The following UBE2E1 variants were observed in gnomAD, a reference collection of about 807,000 sequenced individuals.
UBE2E1 encodes the protein ubiquitin conjugating enzyme E2 E1.
In UBE2E1, 6 loss-of-function variants were observed where a neutral mutation model predicts 21.4. The observed-to-expected ratio is 0.28, with a 90% CI of 0.15 to 0.55. The LOEUF is 0.55. Among genes scored for constraint, UBE2E1 ranks in the 20% least tolerant of loss-of-function variants. The pLI is 0.93. For missense variants in UBE2E1, 142 were observed against 236.5 expected (o/e 0.60, Z 2.62); for synonymous variants, 87 against 82.7 (o/e 1.05, Z -0.28).
chr3:23,848,475 AAAAAAAAC>A (rs1359231562), intron 3 of UBE2E1, among the ~76,000 whole-genome samples: 10 of 151,080 alleles, frequency 6.6e-5, no homozygotes, highest in Non-Finnish European at 8.9e-5. Context: ...GTCTCAAAAA[AAAAAAAAC>A]AAAAAACAAA....
chr3:23,822,994 G>A (rs1357854515), intron 3 of UBE2E1, among the ~76,000 whole-genome samples: 2 of 152,066 alleles, frequency 1.3e-5, no homozygotes, highest in Non-Finnish European at 1.5e-5. Flanking sequence ...TTACAGGCAT[G>A]TGCCACCACG....
intron 3 of UBE2E1, among the ~76,000 whole-genome samples, chr3:23,877,096 A>G (rs1467410617): frequency 1.3e-5 from 2 of 152,194 alleles, no homozygotes; most frequent in African/African-American, 2.4e-5. Flanking sequence ...TAATGTGCAT[A>G]AGAATCATTT....
chr3:23,850,681 GTTTT>G (rs550418701), intron 3 of UBE2E1, among the ~76,000 whole-genome samples: 1 of 104,318 alleles, frequency 9.6e-6, no homozygotes. Flanking sequence ...ACACCTGATT[GTTTT>G]TTTTTTTTTT....
intron 3 of UBE2E1, among the ~76,000 whole-genome samples, chr3:23,852,036 A>C (rs770827321): frequency 1.3e-5 from 2 of 152,056 alleles, no homozygotes; most frequent in Admixed American, 1.3e-4. Context: ...CCACTCTCTC[A>C]TGCTCCCTTT....
In UBE2E1 at chr3:23,810,916, C is replaced by A. The variant is rs1348194428; in HGVS notation, c.153-544C>A. On this transcript the variant is annotated intron_variant, in intron 2 of 5. Transcript: ENST00000306627. The surrounding 1 kb of genome is among the most constrained non-coding windows in gnomAD (Gnocchi z 5.8). ...TGGCAGGTCACTCGGGCCCGAGGGG[C>A]CTCGTGGGGAGCGGCCATGTTGGCT... 6.3e-6 allele frequency: 1 copy of A among 157,904 alleles called. No individual in the cohort carries two copies. The highest frequency in any genetic ancestry group is 2.4e-5 in the African/African-American group (1 of 41,650). 9.8% of individuals were successfully genotyped at this position (157,904 alleles called of 1,614,324 possible).
Position 23,810,428 on chromosome 3 carries a change from A to C in UBE2E1, c.153-1032A>C. On this transcript the variant is annotated intron_variant, in intron 2 of 5. Coordinates refer to ENST00000306627, the MANE Select transcript of UBE2E1 (RefSeq NM_003341.5). This position sits in a 1 kb window ranked among gnomAD's most constrained non-coding sequence, Gnocchi z 5.8. The stretch of plus-strand genomic sequence containing the variant: ...AGTCGAGGGTTGGTGCGGAGGGAGA[A>C]AACTGCAGGTCTCCAGTCTATCCCC... The C allele has an allele frequency of 6.5e-7, 1 of 1,535,086 alleles. No individual in the cohort carries two copies.
At chr3:23,845,898 A>G (rs987902462) in intron 3 of UBE2E1, among the ~76,000 whole-genome samples, 2 of 152,194 alleles carry the variant, frequency 1.3e-5, no homozygotes, top group African/African-American at 4.8e-5. Context: ...CACGTGTCAT[A>G]AAATACTAGT....
intron 3 of UBE2E1, among the ~76,000 whole-genome samples, chr3:23,845,492 A>T (rs569490108): frequency 6.6e-6 from 1 of 150,648 alleles, no homozygotes; most frequent in Non-Finnish European, 1.5e-5. Flanking sequence ...TATTGTCTGT[A>T]TCAGAATTAC....
intron 3 of UBE2E1, among the ~76,000 whole-genome samples, chr3:23,850,508 C>T (rs1340850357): frequency 1.6e-5 from 1 of 61,752 alleles, no homozygotes. Context: ...ATTATCTACT[C>T]CTCTTTATTA....
rs1699524975 is a variant in UBE2E1 at position 23,816,643 on chromosome 3, C to G, written c.203+5133C>G. 1.3e-5 allele frequency among the ~76,000 whole-genome samples: 2 copies of G among 152,036 alleles called. No individual in the cohort carries two copies. Among genetic ancestry groups the G allele is most frequent in the Admixed American group, 1.3e-4 (2 of 15,260 alleles). On this transcript the variant is annotated intron_variant, in intron 3 of 5. Transcript: ENST00000306627. The surrounding 1 kb of genome is among the most constrained non-coding windows in gnomAD (Gnocchi z 4.8). ...AATGGTGTGAACCCAGGAGGCGGAG[C>G]TTGCTGTGAGCAGAGATCGCACCAC...
At chr3:23,888,214 T>A (rs1325841051) in intron 4 of UBE2E1, 1 of 457,002 alleles carries the variant, frequency 2.2e-6, no homozygotes, top group Admixed American at 2.3e-5. Flanking sequence ...CTGTCATGTT[T>A]TGGTCTTGTT....
intron 3 of UBE2E1, among the ~76,000 whole-genome samples, chr3:23,877,026 G>T (rs1487245982): frequency 6.6e-6 from 1 of 152,202 alleles, no homozygotes; most frequent in African/African-American, 2.4e-5. Flanking sequence ...CTGTCTCAAA[G>T]AAAGAAACAG....
intron 3 of UBE2E1, among the ~76,000 whole-genome samples, chr3:23,846,918 T>G (rs1388135279): frequency 6.6e-6 from 1 of 152,080 alleles, no homozygotes; most frequent in Non-Finnish European, 1.5e-5. Flanking sequence ...AAATAGCTGC[T>G]ATCTTGAAAT....
chr3:23,845,585 C>CTGTGTGTGTGTG (rs71620797), intron 3 of UBE2E1, among the ~76,000 whole-genome samples: 3,854 of 97,370 alleles, frequency 0.04, 87 homozygotes, highest in Middle Eastern at 0.051. Flanking sequence ...CTCTCTCTCT[C>CTGTGTGTGTGTG]TCTCTGTGTG....
intron 3 of UBE2E1, among the ~76,000 whole-genome samples, chr3:23,840,512 T>C (rs1323780138): frequency 1.3e-5 from 2 of 152,208 alleles, no homozygotes; most frequent in African/African-American, 4.8e-5. Flanking sequence ...CTTTTGAGAG[T>C]GACCAGAACA....
In UBE2E1 at chr3:23,871,193, T is replaced by A. The variant is rs1369065779; in HGVS notation, c.204-16374T>A. Among the ~76,000 whole-genome samples, 7 of 151,628 alleles carry A rather than the reference T, an allele frequency of 4.6e-5. No individual in the cohort carries two copies. In the South Asian group the frequency reaches 1.0e-3, roughly 23 times the overall value. On this transcript the variant is annotated intron_variant, in intron 3 of 5. Coordinates refer to ENST00000306627, the MANE Select transcript of UBE2E1 (RefSeq NM_003341.5). ...GGCCCGTTCTCAATGAGCTGTTGGG[T>A]ACACCTCCCAGACGGGGTGGTGGCC...
chr3:23,885,322 G>A (rs1217975381), intron 3 of UBE2E1, among the ~76,000 whole-genome samples: 1 of 152,092 alleles, frequency 6.6e-6, no homozygotes, highest in Non-Finnish European at 1.5e-5. Flanking sequence ...AGTTTCGAGG[G>A]GATGCAAACA....
intron 3 of UBE2E1, among the ~76,000 whole-genome samples, chr3:23,821,543 G>A (rs932782044): frequency 1.3e-5 from 2 of 152,178 alleles, no homozygotes; most frequent in Non-Finnish European, 2.9e-5. Flanking sequence ...CAGAAAGGAG[G>A]GTATTGCTCT....
At chr3:23,819,920 C>A (rs150705549) in intron 3 of UBE2E1, among the ~76,000 whole-genome samples, 1 of 152,280 alleles carries the variant, frequency 6.6e-6, no homozygotes, top group Non-Finnish European at 1.5e-5. Context: ...GTTTTGACTT[C>A]ATGTAAGGTT....
Sources: allele counts gnomAD v4.1 joint callset (sites outside exome capture counted in the v4.1 genomes callset), GRCh38; gene constraint gnomAD v4.1.1; non-coding constraint Gnocchi (gnomAD v3.1); transcripts MANE v1.5; gene names NCBI Gene and HGNC (gene_info 2026-07-23, HGNC 2026-07-21).